Variants in SLC30A10 observed in about 807,000 individuals in gnomAD.
SLC30A10 encodes the protein solute carrier family 30 member 10.
A neutral mutation model predicts 21.7 loss-of-function variants in SLC30A10; 8 were observed. The ratio of observed to expected loss-of-function variants is 0.37; its 90% CI spans 0.22 to 0.67. The LOEUF (loss-of-function observed/expected upper bound fraction) is 0.67, where lower values mean the gene tolerates loss of function less well. Ranked by LOEUF, SLC30A10 falls within the 30% of genes least tolerant of loss-of-function variation. The probability of loss-of-function intolerance (pLI) is 0.58; values close to 1 mark genes in which losing one functional copy is unlikely to be tolerated. For missense variants in SLC30A10, 521 were observed against 642.5 expected (o/e 0.81, Z 2.04); for synonymous variants, 272 against 279.4 (o/e 0.97, Z 0.26).
chr1:219,923,492 G>A (rs539742831), intron 2 of SLC30A10, among the ~76,000 whole-genome samples: 2 of 152,254 alleles, frequency 1.3e-5, no homozygotes, highest in African/African-American at 4.8e-5. Flanking sequence ...CTGGGCAAAT[G>A]GTAATGAAAA....
At chr1:219,934,427 C>A (rs1660019566) in intron 1 of SLC30A10, among the ~76,000 whole-genome samples, 1 of 151,672 alleles carries the variant, frequency 6.6e-6, no homozygotes. Flanking sequence ...CATGTCATTG[C>A]ACTCCAGCCT....
At chr1:219,944,401 T>TCG (rs76391938) in intron 1 of SLC30A10, among the ~76,000 whole-genome samples, 43,257 of 151,742 alleles carry the variant, frequency 0.29, 6,734 homozygotes, top group East Asian at 0.39. Context: ...TGAGCCGAGA[T>TCG]CGCGCCACTG....
intron 2 of SLC30A10, among the ~76,000 whole-genome samples, chr1:219,925,305 G>A (rs776156685): frequency 3.3e-5 from 5 of 152,058 alleles, no homozygotes; most frequent in Non-Finnish European, 5.9e-5. Flanking sequence ...CAGCCGAGGC[G>A]GGCAGATTGC....
At chr1:219,919,730 A>G (rs1191822367) in intron 2 of SLC30A10, among the ~76,000 whole-genome samples, 1 of 150,558 alleles carries the variant, frequency 6.6e-6, no homozygotes, top group Non-Finnish European at 1.5e-5. Flanking sequence ...GAGCCGAGAT[A>G]GTGCCATTGT....
chr1:219,950,220 C>T (rs531409191), intron 1 of SLC30A10, among the ~76,000 whole-genome samples: 2 of 152,320 alleles, frequency 1.3e-5, no homozygotes, highest in East Asian at 1.9e-4. Flanking sequence ...CAATGAGCTA[C>T]ATATTGACAT....
upstream of SLC30A10, among the ~76,000 whole-genome samples, chr1:219,929,123 A>T (rs771706998): frequency 3.9e-5 from 6 of 151,922 alleles, no homozygotes; most frequent in Non-Finnish European, 7.4e-5. Flanking sequence ...CATTCCACTA[A>T]CCCCAGGATA....
exon 1 of SLC30A10, chr1:219,958,578 G>A (rs1339386567): frequency 6.5e-6 from 1 of 152,744 alleles, no homozygotes; most frequent in African/African-American, 2.4e-5. Flanking sequence ...CTGCTTCCAT[G>A]TCTCCCTGGG....
chr1:219,944,309 A>G (rs1571811452), intron 1 of SLC30A10, among the ~76,000 whole-genome samples: 1 of 151,942 alleles, frequency 6.6e-6, no homozygotes, highest in East Asian at 1.9e-4. Flanking sequence ...TTAGCCAGGC[A>G]TGGTGGTGGG....
chr1:219,930,373 T>A (rs763405803), upstream of SLC30A10, among the ~76,000 whole-genome samples: 1 of 151,996 alleles, frequency 6.6e-6, no homozygotes, highest in South Asian at 2.1e-4. Context: ...TTCAGGAGGC[T>A]AAAGTGGGAG....
At chr1:219,925,079 C>T (rs1046786701) in intron 2 of SLC30A10, among the ~76,000 whole-genome samples, 64 of 152,208 alleles carry the variant, frequency 4.2e-4, no homozygotes, top group African/African-American at 1.5e-3. Context: ...CATTCTACTA[C>T]TGACATTTTT....
At chr1:219,939,344 C>G (rs1490615541) in intron 1 of SLC30A10, among the ~76,000 whole-genome samples, 1 of 152,154 alleles carries the variant, frequency 6.6e-6, no homozygotes, top group Non-Finnish European at 1.5e-5. Flanking sequence ...AAAATAAATG[C>G]AATTGGGGAA....
Position 219,914,997 on chromosome 1 carries a change from A to C in SLC30A10, c.*452T>G, listed in dbSNP as rs1230409448. 6.5e-6 allele frequency: 1 copy of C among 154,692 alleles called. No homozygotes were observed. The highest frequency in any genetic ancestry group is 1.4e-5 in the Non-Finnish European group (1 of 69,808). The allele number at this position is 154,692 out of a possible 1,614,324, so 9.6% of individuals were successfully genotyped here. The stretch of plus-strand genomic sequence containing the variant: ...AAATACTTAACTTGCCTCTTTTATG[A>C]TCGTTAAGGGGATTGGGAAAAATAC... On this transcript the variant is annotated 3_prime_UTR_variant, in exon 4 of 4. Transcript: ENST00000366926.
At chr1:219,919,905 C>T (rs189081545) in intron 2 of SLC30A10, among the ~76,000 whole-genome samples, 2 of 152,136 alleles carry the variant, frequency 1.3e-5, no homozygotes, top group Admixed American at 1.3e-4. Flanking sequence ...CAGACTTATG[C>T]AGTAGAATTA....
Position 219,912,012 on chromosome 1 carries a change from T to C in SLC30A10, c.*3437A>G, listed in dbSNP as rs1659424858. Reference sequence around the variant, plus strand: ...CAGTAATGCCAAGACTGAGAACCCCTGGAGTAAGCCTCACAAAAGCTCTTA... The same window carrying C: ...CAGTAATGCCAAGACTGAGAACCCCCGGAGTAAGCCTCACAAAAGCTCTTA... On this transcript the variant is annotated 3_prime_UTR_variant, in exon 4 of 4. Coordinates refer to ENST00000366926, the MANE Select transcript of SLC30A10 (RefSeq NM_018713.3). Among the ~76,000 whole-genome samples, 1 of 152,040 alleles carries C rather than the reference T, an allele frequency of 6.6e-6. No individual in the cohort carries two copies. Among genetic ancestry groups the C allele is most frequent in the South Asian group, 2.1e-4 (1 of 4,822 alleles).
intron 1 of SLC30A10, among the ~76,000 whole-genome samples, chr1:219,957,363 T>TA (rs987498957): frequency 3.3e-5 from 5 of 152,182 alleles, no homozygotes; most frequent in African/African-American, 1.2e-4. Context: ...GGGAATCAAA[T>TA]AAAAAATGCA....
At chr1:219,928,664 C>T, upstream of SLC30A10, 1 of 464,316 alleles carries the variant, frequency 2.2e-6, no homozygotes, top group Non-Finnish European at 3.7e-6. The surrounding 1 kb of genome is among the most constrained non-coding windows in gnomAD (Gnocchi z 6.3). Context: ...CTGAACAGCC[C>T]GTGCACCGCC....
chr1:219,955,654 T>C (rs973844494), intron 1 of SLC30A10, among the ~76,000 whole-genome samples: 2 of 152,162 alleles, frequency 1.3e-5, no homozygotes, highest in African/African-American at 4.8e-5. Context: ...CTACACCAGA[T>C]AGATAAGCAG....
At chr1:219,925,745 T>A (rs1382632931) in intron 2 of SLC30A10, among the ~76,000 whole-genome samples, 1 of 136,022 alleles carries the variant, frequency 7.4e-6, no homozygotes, top group Non-Finnish European at 1.5e-5. Context: ...AACCTCCACC[T>A]CTGGGGTTCA....
At chr1:219,922,733 G>C (rs887424433) in intron 2 of SLC30A10, among the ~76,000 whole-genome samples, 2 of 152,164 alleles carry the variant, frequency 1.3e-5, no homozygotes, top group Non-Finnish European at 1.5e-5. Flanking sequence ...AACCCTCTGA[G>C]AATGACCAAG....
Sources: allele counts gnomAD v4.1 joint callset (sites outside exome capture counted in the v4.1 genomes callset), GRCh38; gene constraint gnomAD v4.1.1; non-coding constraint Gnocchi (gnomAD v3.1); transcripts MANE v1.5; gene names NCBI Gene and HGNC (gene_info 2026-07-23, HGNC 2026-07-21).